AIM2: variants seen among roughly 807,000 people sequenced by gnomAD.
The protein encoded by AIM2 is absent in melanoma 2.
AIM2 carries 30 observed loss-of-function variants against 27.7 expected under a neutral mutation model. That is an observed-to-expected ratio of 1.08 (90% CI 0.81 to 1.47). The LOEUF is 1.47. Ranked by LOEUF, AIM2 falls within the 40% of genes most tolerant of loss-of-function variation. The pLI is 0.00. For missense variants in AIM2, 358 were observed against 411.3 expected (o/e 0.87, Z 1.12); for synonymous variants, 141 against 145.3 (o/e 0.97, Z 0.21).
intron 1 of AIM2, among the ~76,000 whole-genome samples, chr1:159,132,695 C>T (rs972008970): frequency 3.3e-5 from 5 of 152,122 alleles, no homozygotes; most frequent in Admixed American, 6.5e-5. Flanking sequence ...TGTATTATGA[C>T]GGCAAACATT....
At chr1:159,100,921 A>C (rs1007872126) in intron 1 of AIM2, among the ~76,000 whole-genome samples, 7 of 152,248 alleles carry the variant, frequency 4.6e-5, no homozygotes, top group Non-Finnish European at 1.0e-4. Flanking sequence ...CACTGGATTT[A>C]TAGCTACATG....
intron 1 of AIM2, among the ~76,000 whole-genome samples, chr1:159,118,603 T>C (rs1647447986): frequency 6.6e-6 from 1 of 152,132 alleles, no homozygotes; most frequent in Non-Finnish European, 1.5e-5. Context: ...GGGTGGTACT[T>C]AGGACTCATT....
chr1:159,114,617 C>T (rs979342312), intron 1 of AIM2, among the ~76,000 whole-genome samples: 1 of 152,130 alleles, frequency 6.6e-6, no homozygotes, highest in Non-Finnish European at 1.5e-5. Context: ...GGCTGAGGCA[C>T]AAGAATCACT....
At chr1:159,137,835 T>C (rs747000738) in intron 1 of AIM2, among the ~76,000 whole-genome samples, 6 of 152,134 alleles carry the variant, frequency 3.9e-5, no homozygotes, top group Non-Finnish European at 5.9e-5. Context: ...TATCCAAAAG[T>C]GTTCACCAGT....
chr1:159,127,383 G>A (rs1033588834), intron 1 of AIM2, among the ~76,000 whole-genome samples: 4 of 152,346 alleles, frequency 2.6e-5, no homozygotes, highest in African/African-American at 9.6e-5. Context: ...TAACAGATCA[G>A]TGTCGGCCCT....
chr1:159,097,082 T>A (rs1657196544), intron 1 of AIM2, among the ~76,000 whole-genome samples: 1 of 151,966 alleles, frequency 6.6e-6, no homozygotes, highest in South Asian at 2.1e-4. Context: ...GGGCATGAAT[T>A]CTTGAGCTGC....
At chr1:159,123,574 T>G (rs903618040) in intron 1 of AIM2, 7 of 152,238 alleles carry the variant, frequency 4.6e-5, no homozygotes, top group Non-Finnish European at 1.0e-4. Context: ...TTCCTGATAG[T>G]TAAGTATCTG....
chr1:159,087,491 T>C (rs1197651108), intron 1 of AIM2, among the ~76,000 whole-genome samples: 1 of 152,152 alleles, frequency 6.6e-6, no homozygotes, highest in Non-Finnish European at 1.5e-5. Flanking sequence ...TAATCAATTA[T>C]TAATAAATTC....
At chr1:159,064,121 G>A (rs981755028) in intron 4 of AIM2, among the ~76,000 whole-genome samples, 2 of 152,068 alleles carry the variant, frequency 1.3e-5, no homozygotes, top group Non-Finnish European at 2.9e-5. Context: ...AAGTTTTTGG[G>A]GAGTCAAAAA....
At chr1:159,099,682 T>G (rs1332638486) in intron 1 of AIM2, among the ~76,000 whole-genome samples, 1 of 152,082 alleles carries the variant, frequency 6.6e-6, no homozygotes, top group African/African-American at 2.4e-5. Context: ...GAATTGATTC[T>G]CCTTGATAGA....
intron 1 of AIM2, among the ~76,000 whole-genome samples, chr1:159,131,799 C>T (rs912078538): frequency 6.6e-6 from 1 of 152,140 alleles, no homozygotes; most frequent in Non-Finnish European, 1.5e-5. Context: ...AACAGATAAT[C>T]TATTTCTTAT....
chr1:159,056,087 T>A, the AIM2 span, among the ~76,000 whole-genome samples: 1 of 152,196 alleles, frequency 6.6e-6, no homozygotes, highest in South Asian at 2.1e-4. Context: ...AACATGGGAA[T>A]CCTTATCATG....
chr1:159,059,784 GA>G (rs1409617207), downstream of AIM2, among the ~76,000 whole-genome samples: 1 of 151,964 alleles, frequency 6.6e-6, no homozygotes, highest in Non-Finnish European at 1.5e-5. Flanking sequence ...AATGAAATAA[GA>G]AAAAAATTAC....
chr1:159,065,287 G>A (rs1256860284), intron 4 of AIM2, among the ~76,000 whole-genome samples: 2 of 152,050 alleles, frequency 1.3e-5, no homozygotes, highest in African/African-American at 4.8e-5. Flanking sequence ...CTGCCCCGCG[G>A]CCCTGTCTGG....
intron 1 of AIM2, among the ~76,000 whole-genome samples, chr1:159,096,847 G>A (rs2102014301): frequency 1.3e-5 from 2 of 152,168 alleles, no homozygotes; most frequent in South Asian, 2.1e-4. Context: ...ATGATGGGGG[G>A]AATGGGGGGT....
the AIM2 span, among the ~76,000 whole-genome samples, chr1:159,055,729 A>G: frequency 6.6e-6 from 1 of 152,254 alleles, no homozygotes; most frequent in African/African-American, 2.4e-5. Context: ...AGAATAGCAG[A>G]AAGTAAGTAT....
Position 159,062,634 on chromosome 1 carries a change from T to C in AIM2, c.*58A>G. ...ATCTGATTGAAGAGGCTGTATCACA[T>C]ATTCTTCAATTAAATGCTGCTTAGA... is the stretch of plus-strand genomic sequence containing the variant. On this transcript the variant is annotated 3_prime_UTR_variant, in exon 6 of 6. Coordinates refer to ENST00000368130, the MANE Select transcript of AIM2 (RefSeq NM_004833.3). 1 of 1,525,330 alleles carries C rather than the reference T, an allele frequency of 6.6e-7. No individual in the cohort carries two copies. Among genetic ancestry groups the C allele is most frequent in the Non-Finnish European group, 9.1e-7 (1 of 1,102,046 alleles). 94.5% of individuals were successfully genotyped at this position (1,525,330 alleles called of 1,614,324 possible). A position where few individuals can be genotyped will look rare whatever the true frequency, so the allele number is the denominator to read the frequency against.
At chr1:159,141,304 C>T (rs150493880), upstream of AIM2, among the ~76,000 whole-genome samples, 156 of 152,262 alleles carry the variant, frequency 1.0e-3, no homozygotes, top group Non-Finnish European at 1.8e-3. Flanking sequence ...GGTTCCAAAA[C>T]CTGTGACTTT....
chr1:159,114,095 C>T (rs1266613799), intron 1 of AIM2, among the ~76,000 whole-genome samples: 1 of 152,188 alleles, frequency 6.6e-6, no homozygotes, highest in East Asian at 1.9e-4. Flanking sequence ...AAGCAAAGAG[C>T]TCTTCCTTTG....
Sources: allele counts gnomAD v4.1 joint callset (sites outside exome capture counted in the v4.1 genomes callset), GRCh38; gene constraint gnomAD v4.1.1; transcripts MANE v1.5; gene names NCBI Gene and HGNC (gene_info 2026-07-23, HGNC 2026-07-21).